ZBBX: variants seen among roughly 807,000 people sequenced by gnomAD.
ZBBX encodes the protein zinc finger B-box domain-containing protein 1.
ZBBX carries 101 observed loss-of-function variants against 108.5 expected under a neutral mutation model. The ratio of observed to expected loss-of-function variants is 0.93; its 90% confidence interval spans 0.79 to 1.10. ZBBX has a LOEUF of 1.10. ZBBX is among the 50% of genes least tolerant of loss of function. ZBBX has a pLI of 0.00. For missense variants in ZBBX, 1,009 were observed against 941.4 expected (o/e 1.07, Z -0.94); for synonymous variants, 356 against 323.4 (o/e 1.10, Z -1.08).
At chr3:167,340,857 A>G (rs1434606668) in intron 9 of ZBBX, among the ~76,000 whole-genome samples, 1 of 151,954 alleles carries the variant, frequency 6.6e-6, no homozygotes. Flanking sequence ...GAGGAAAATA[A>G]ATATTTATTA....
chr3:167,323,239 G>T (rs1298999936), intron 11 of ZBBX, among the ~76,000 whole-genome samples: 2 of 20,354 alleles, frequency 9.8e-5, no homozygotes, highest in East Asian at 1.4e-3. Context: ...AGCTAAAAGA[G>T]GGGGGGGGGG....
chr3:167,295,528 G>C (rs923668019), intron 18 of ZBBX, among the ~76,000 whole-genome samples: 2 of 151,146 alleles, frequency 1.3e-5, no homozygotes, highest in African/African-American at 2.4e-5. Context: ...GGGCCTGTTG[G>C]GGGGTGGTGG....
At chr3:167,343,554 G>A (rs1355783710) in intron 9 of ZBBX, among the ~76,000 whole-genome samples, 1 of 151,750 alleles carries the variant, frequency 6.6e-6, no homozygotes, top group Non-Finnish European at 1.5e-5. Context: ...CCCACATCCA[G>A]GTCTTCGAAA....
the ZBBX span, among the ~76,000 whole-genome samples, chr3:167,230,697 A>G: frequency 2.6e-5 from 4 of 151,902 alleles, no homozygotes; most frequent in South Asian, 8.3e-4. Context: ...AAGAAAGAGG[A>G]GCAAGTTATG....
At chr3:167,355,290 T>C (rs1304532648) in intron 8 of ZBBX, among the ~76,000 whole-genome samples, 2 of 152,054 alleles carry the variant, frequency 1.3e-5, no homozygotes, top group South Asian at 2.1e-4. Flanking sequence ...GTCTATGTGC[T>C]GGACACAATG....
At chr3:167,195,010 C>A in the ZBBX span, among the ~76,000 whole-genome samples, 108,084 of 152,052 alleles carry the variant, frequency 0.71, 39,874 homozygotes, top group African/African-American at 0.91. Context: ...CGAGAAACGT[C>A]AGCAAGCTTC....
In ZBBX at chr3:167,328,062, A is replaced by G; in HGVS notation, c.742T>C (p.Leu248=). 1 of 1,613,952 alleles carries G rather than the reference A, an allele frequency of 6.2e-7. No homozygotes were observed. Among genetic ancestry groups the G allele is most frequent in the Non-Finnish European group, 8.5e-7 (1 of 1,179,922 alleles). Residue 248 remains leucine, a synonymous_variant, in exon 11 of 22, where the codon TTG becomes CTG. Transcript: ENST00000675490. ...TCTTCATCGAATGACCCTTCACACAACAGACTCTTTCTTGGTTTTGTACGT... is the reference window on the plus strand; with the variant it reads ...TCTTCATCGAATGACCCTTCACACAGCAGACTCTTTCTTGGTTTTGTACGT... The part of the protein sequence containing the change: ...AQRTKPRKSL[L]CEGSFDEEAS...
intron 21 of ZBBX, among the ~76,000 whole-genome samples, chr3:167,242,038 G>T (rs1214417981): frequency 6.6e-6 from 1 of 152,172 alleles, no homozygotes; most frequent in East Asian, 1.9e-4. Flanking sequence ...TATTTTATGT[G>T]AGGAAAGAAT....
At chr3:167,243,429 G>A (rs949682268) in intron 20 of ZBBX, among the ~76,000 whole-genome samples, 6 of 151,050 alleles carry the variant, frequency 4.0e-5, no homozygotes, top group African/African-American at 9.7e-5. Context: ...ACAGAATTTC[G>A]GTCTTGTTGC....
Position 167,302,713 on chromosome 3 carries a change from G to C in ZBBX, c.1725+2930C>G, listed in dbSNP as rs373312339. ...GAAGACACAAGACTCCTTGGTCAGA[G>C]ACAAATGACTTTATCACTCACAACA... On this transcript the variant is annotated intron_variant, in intron 17 of 21. Coordinates refer to ENST00000675490, the MANE Select transcript of ZBBX (RefSeq NM_001199201.2). Among the ~76,000 whole-genome samples the C allele has an allele frequency of 3.3e-5, 5 of 152,272 alleles. No homozygotes were observed. The East Asian group carries it at 9.7e-4, about 29-fold the overall frequency.
chr3:167,261,753 C>CGG (rs1724568699), intron 20 of ZBBX, among the ~76,000 whole-genome samples: 1 of 145,194 alleles, frequency 6.9e-6, no homozygotes, highest in African/African-American at 2.6e-5. Flanking sequence ...AAACTTGTCC[C>CGG]AGGCTACCCG....
At chr3:167,354,847 G>A (rs191263782) in intron 8 of ZBBX, among the ~76,000 whole-genome samples, 3 of 151,984 alleles carry the variant, frequency 2.0e-5, no homozygotes, top group East Asian at 3.9e-4. Flanking sequence ...AGTAAAAGTA[G>A]CCAAACGAAT....
intron 20 of ZBBX, among the ~76,000 whole-genome samples, chr3:167,243,677 A>T (rs1003562755): frequency 1.3e-5 from 2 of 150,732 alleles, no homozygotes; most frequent in African/African-American, 4.9e-5. Flanking sequence ...CTTTTATGAG[A>T]GGACCAAATA....
chr3:167,392,877 G>A (rs1328004900), intron 1 of ZBBX: 1 of 151,806 alleles, frequency 6.6e-6, no homozygotes, highest in Admixed American at 6.6e-5. Context: ...TAAGTAAACT[G>A]TTTAGTGTAC....
intron 20 of ZBBX, among the ~76,000 whole-genome samples, chr3:167,266,977 C>A (rs1409035947): frequency 6.6e-6 from 1 of 152,146 alleles, no homozygotes; most frequent in African/African-American, 2.4e-5. Context: ...GGGAAAGGAA[C>A]AAGCCGGCAG....
chr3:167,234,314 T>C, the ZBBX span, among the ~76,000 whole-genome samples: 1 of 151,870 alleles, frequency 6.6e-6, no homozygotes, highest in Admixed American at 6.6e-5. Flanking sequence ...TCATTTGAAA[T>C]AAATATATTG....
intron 1 of ZBBX, among the ~76,000 whole-genome samples, chr3:167,393,098 C>T (rs185434176): frequency 6.6e-6 from 1 of 151,606 alleles, no homozygotes; most frequent in African/African-American, 2.4e-5. Context: ...CAAAACAAAA[C>T]CCCCTTTTGC....
upstream of ZBBX, among the ~76,000 whole-genome samples, chr3:167,380,866 G>GCACACACA (rs59349359): frequency 0.024 from 3,391 of 141,368 alleles, 85 homozygotes; most frequent in East Asian, 0.067. Flanking sequence ...GCAAATATAT[G>GCACACACA]CACACACACA....
At chr3:167,313,383 C>A (rs1443250973) in intron 16 of ZBBX, among the ~76,000 whole-genome samples, 14 of 152,100 alleles carry the variant, frequency 9.2e-5, no homozygotes, top group Admixed American at 9.2e-4. Context: ...TCAAGCGATT[C>A]TCCTGCCTCA....
Sources: gnomAD v4.1 joint callset for allele counts (sites outside exome capture counted in the v4.1 genomes callset) on GRCh38, gnomAD v4.1.1 for gene constraint, MANE v1.5 for transcripts, NCBI Gene and HGNC (gene_info 2026-07-23, HGNC 2026-07-21) for gene names.